The following SLC17A5 variants were observed in gnomAD, a reference collection of about 807,000 sequenced individuals.
SLC17A5 encodes the protein sialin.
In SLC17A5, 47 loss-of-function variants were observed where a neutral mutation model predicts 59.4. That is an observed-to-expected ratio of 0.79 (90% confidence interval 0.63 to 1.01). The LOEUF (loss-of-function observed/expected upper bound fraction) is 1.01. SLC17A5 is among the 50% of genes least tolerant of loss of function. The pLI, the probability that SLC17A5 is intolerant of heterozygous loss-of-function variation, is 0.00. For synonymous variants in SLC17A5, 202 were observed against 210.7 expected (o/e 0.96, Z 0.36); for missense variants, 522 against 595.5 (o/e 0.88, Z 1.28).
intron 9 of SLC17A5, among the ~76,000 whole-genome samples, chr6:73,601,991 T>C (rs888973808): frequency 6.6e-6 from 1 of 151,854 alleles, no homozygotes; most frequent in Non-Finnish European, 1.5e-5. Context: ...TTTTGTGGAA[T>C]AGAAAGGGGG....
chr6:73,604,502 G>T (rs931078606), intron 9 of SLC17A5, among the ~76,000 whole-genome samples: 6 of 152,076 alleles, frequency 3.9e-5, no homozygotes, highest in Non-Finnish European at 8.8e-5. Context: ...CCAGCATTTT[G>T]GGAGGCTGAG....
chr6:73,653,592 G>C (rs947705952), intron 1 of SLC17A5: 3 of 674,238 alleles, frequency 4.4e-6, no homozygotes, highest in Non-Finnish European at 5.5e-6. Flanking sequence ...CGGCCCCCGG[G>C]GTTCCCGAGG....
chr6:73,600,555 C>T (rs544480290), intron 9 of SLC17A5, 114 bp from the exon 10 acceptor site: 3 of 837,420 alleles, frequency 3.6e-6, no homozygotes, highest in African/African-American at 1.8e-5. Context: ...GTGGCCCAGG[C>T]TTGAGGGCAG....
intron 7 of SLC17A5, among the ~76,000 whole-genome samples, chr6:73,620,040 C>A (rs574902049): frequency 5.3e-5 from 8 of 149,860 alleles, no homozygotes; most frequent in Non-Finnish European, 1.0e-4. Flanking sequence ...TCTCCTGCTT[C>A]AGCCTCTCGA....
rs1243893212 is a variant in SLC17A5 at position 73,642,453 on chromosome 6, T to C, written c.292-529A>G. 3.3e-5 allele frequency among the ~76,000 whole-genome samples: 5 copies of C among 152,194 alleles called. No individual in the cohort carries two copies. The East Asian group carries it at 9.6e-4, about 29-fold the overall frequency. On this transcript the variant is annotated intron_variant, in intron 2 of 10. Coordinates refer to ENST00000355773, the MANE Select transcript of SLC17A5 (RefSeq NM_012434.5). Reference sequence around the variant, plus strand: ...GGGAAGAGGAAATGAAATAGGCACATAAAATAAGGCTTGATGTACAGTTAG... The same window carrying C: ...GGGAAGAGGAAATGAAATAGGCACACAAAATAAGGCTTGATGTACAGTTAG...
intron 3 of SLC17A5, among the ~76,000 whole-genome samples, 171 bp downstream of exon 3, chr6:73,641,519 CA>C (rs1341434240): frequency 6.6e-6 from 1 of 152,158 alleles, no homozygotes; most frequent in Non-Finnish European, 1.5e-5. Flanking sequence ...TCATTTACCA[CA>C]AACAAAATCT....
At chr6:73,635,090 A>G (rs926948080) in intron 6 of SLC17A5, 1 of 169,006 alleles carries the variant, frequency 5.9e-6, no homozygotes, top group South Asian at 1.9e-4. Context: ...TATGTATTTA[A>G]AATTTTTTTT....
At position 73,636,668 on chromosome 6, in the gene SLC17A5, C is replaced by G; in HGVS notation, c.653G>C (p.Gly218Ala). 6.2e-7 allele frequency: 1 copy of G among 1,611,952 alleles called. No individual in the cohort carries two copies. The highest frequency in any genetic ancestry group is 8.5e-7 in the Non-Finnish European group (1 of 1,178,096). ...CCAATTCATATAGTAGCAAATTATT[C>G]CAGAAAGAGGAAGAGAAATTACTGT... The part of the protein sequence containing the change: ...LGTVISLPLS[G>A]IICYYMNWTY... Residue 218 changes from glycine to alanine, a missense_variant, in exon 5 of 11, where the codon GGA becomes GCA. Gly to Ala is a moderately conservative substitution (Grantham distance 60). Coordinates refer to ENST00000355773, the MANE Select transcript of SLC17A5 (RefSeq NM_012434.5).
At position 73,624,429 on chromosome 6, in the gene SLC17A5, G is replaced by T. The variant is rs1440233485; in HGVS notation, c.820-2467C>A. 3.3e-5 allele frequency among the ~76,000 whole-genome samples: 5 copies of T among 152,072 alleles called. No homozygotes were observed. In the East Asian group the frequency reaches 9.7e-4, roughly 30 times the overall value. ...AAAAAATAAAAACAACAAATTATTT[G>T]TAATTTTTAAGTTATAGCAAAGAAG... On this transcript the variant is annotated intron_variant, in intron 6 of 10. Coordinates refer to ENST00000355773, the MANE Select transcript of SLC17A5 (RefSeq NM_012434.5).
chr6:73,608,032 C>A (rs1357605924), intron 9 of SLC17A5, among the ~76,000 whole-genome samples: 2 of 152,146 alleles, frequency 1.3e-5, no homozygotes. Flanking sequence ...CCGCCTCAGC[C>A]TCCCAAAGTG....
At chr6:73,607,162 T>A (rs1432972023) in intron 9 of SLC17A5, among the ~76,000 whole-genome samples, 3 of 152,256 alleles carry the variant, frequency 2.0e-5, no homozygotes. Flanking sequence ...TATTGCATTA[T>A]GAGCAAAGTG....
intron 1 of SLC17A5, among the ~76,000 whole-genome samples, chr6:73,644,868 A>T (rs1000129375): frequency 5.3e-5 from 8 of 152,224 alleles, no homozygotes; most frequent in African/African-American, 1.9e-4. Context: ...ATGTTAAAGA[A>T]TATTCTTAGA....
intron 9 of SLC17A5, among the ~76,000 whole-genome samples, chr6:73,603,539 G>T (rs1346992579): frequency 5.3e-5 from 8 of 150,714 alleles, no homozygotes; most frequent in Non-Finnish European, 1.2e-4. Context: ...TCCTTCCTCA[G>T]CCTCCTGAGT....
intron 9 of SLC17A5, among the ~76,000 whole-genome samples, chr6:73,605,400 C>T (rs903515): frequency 5.9e-5 from 9 of 151,924 alleles, no homozygotes; most frequent in African/African-American, 1.9e-4. Flanking sequence ...TAACTAGTAG[C>T]GTATTACACT....
intron 6 of SLC17A5, among the ~76,000 whole-genome samples, chr6:73,632,420 C>A (rs1011817380): frequency 7.4e-6 from 1 of 135,126 alleles, no homozygotes. Context: ...AGACACATAT[C>A]GATGTAGAGA....
intron 9 of SLC17A5, among the ~76,000 whole-genome samples, chr6:73,606,286 A>G (rs1767387906): frequency 6.6e-6 from 1 of 151,986 alleles, no homozygotes; most frequent in Admixed American, 6.6e-5. Flanking sequence ...CAAACGATCC[A>G]ACCGCCTCAG....
chr6:73,605,082 C>T (rs191462529), intron 9 of SLC17A5, among the ~76,000 whole-genome samples: 31 of 151,844 alleles, frequency 2.0e-4, no homozygotes, highest in African/African-American at 6.8e-4. Context: ...TGGGCCCAAA[C>T]GATCCTCCCA....
chr6:73,653,700 G>T, intron 1 of SLC17A5, 93 bp downstream of exon 1: 2 of 1,292,464 alleles, frequency 1.5e-6, no homozygotes, highest in Non-Finnish European at 2.2e-6. Context: ...TCCCGCCGGC[G>T]CAGGGTGCGG....
chr6:73,650,162 A>G (rs1581994399), intron 1 of SLC17A5, among the ~76,000 whole-genome samples: 1 of 148,404 alleles, frequency 6.7e-6, no homozygotes, highest in Non-Finnish European at 1.5e-5. Context: ...GGAGTTTGAG[A>G]CCAGCCTGAG....
Sources: allele counts gnomAD v4.1 joint callset (sites outside exome capture counted in the v4.1 genomes callset), GRCh38; gene constraint gnomAD v4.1.1; transcripts MANE v1.5; gene names NCBI Gene and HGNC (gene_info 2026-07-23, HGNC 2026-07-21).